Variants in UXS1 observed in about 807,000 individuals in gnomAD.
UXS1 encodes the protein UDP-glucuronic acid decarboxylase 1.
UXS1 carries 33 observed loss-of-function variants against 62.6 expected under a neutral mutation model. The ratio of observed to expected loss-of-function variants is 0.53; its 90% CI spans 0.40 to 0.70. UXS1 has a LOEUF of 0.70. UXS1 is among the 30% of genes least tolerant of loss of function. UXS1 has a pLI of 0.00. For missense variants in UXS1, 434 were observed against 556.3 expected (o/e 0.78, Z 2.21); for synonymous variants, 213 against 206.8 (o/e 1.03, Z -0.26).
intron 1 of UXS1, among the ~76,000 whole-genome samples, chr2:106,179,118 C>T (rs1684084502): frequency 6.6e-6 from 1 of 152,144 alleles, no homozygotes; most frequent in Non-Finnish European, 1.5e-5. Flanking sequence ...CCCTCTGTGG[C>T]TCCATCATGC....
intron 8 of UXS1, among the ~76,000 whole-genome samples, chr2:106,125,170 T>G (rs1210079140): frequency 6.6e-6 from 1 of 152,140 alleles, no homozygotes; most frequent in African/African-American, 2.4e-5. Context: ...CCAGAACTCG[T>G]TATACAACAG....
At chr2:106,127,581 A>G (rs1450734910) in intron 7 of UXS1, among the ~76,000 whole-genome samples, 1 of 152,198 alleles carries the variant, frequency 6.6e-6, no homozygotes, top group African/African-American at 2.4e-5. Flanking sequence ...GGGGGTTACG[A>G]AAAACTTTCA....
intron 4 of UXS1, among the ~76,000 whole-genome samples, chr2:106,158,629 C>A (rs1682651627): frequency 6.6e-6 from 1 of 152,118 alleles, no homozygotes; most frequent in Non-Finnish European, 1.5e-5. Context: ...AAAACTGACC[C>A]CCCTCCTTGT....
intron 5 of UXS1, among the ~76,000 whole-genome samples, chr2:106,148,697 A>G (rs1477949256): frequency 6.6e-6 from 1 of 152,226 alleles, no homozygotes; most frequent in Non-Finnish European, 1.5e-5. Context: ...TTTTTATCCT[A>G]ATCAATGTTA....
At chr2:106,144,238 C>T (rs533595034) in intron 6 of UXS1, among the ~76,000 whole-genome samples, 3 of 152,272 alleles carry the variant, frequency 2.0e-5, no homozygotes, top group Non-Finnish European at 4.4e-5. Flanking sequence ...AGCTTCACTC[C>T]AAAATGAATC....
At chr2:106,193,827 G>A (rs1177838209) in intron 1 of UXS1, among the ~76,000 whole-genome samples, 1 of 151,924 alleles carries the variant, frequency 6.6e-6, no homozygotes, top group South Asian at 2.1e-4. Flanking sequence ...CCGGCTCCCA[G>A]CGCGACATGG....
chr2:106,124,302 C>T (rs929165528), intron 8 of UXS1, among the ~76,000 whole-genome samples: 11 of 152,204 alleles, frequency 7.2e-5, no homozygotes, highest in African/African-American at 1.9e-4. Context: ...AGGCTGGGTA[C>T]GCCCATCTGT....
chr2:106,145,424 A>T, intron 5 of UXS1, 54 bp from the exon 6 acceptor site: 1 of 1,539,218 alleles, frequency 6.5e-7, no homozygotes, highest in East Asian at 2.3e-5. Flanking sequence ...ATGAGAACAC[A>T]GTGAGGACCA....
chr2:106,104,867 G>A (rs1253826781), intron 10 of UXS1, 30 bp from the exon 11 acceptor site: 1 of 1,613,856 alleles, frequency 6.2e-7, no homozygotes, highest in African/African-American at 1.3e-5. Flanking sequence ...TAGGCCTCCT[G>A]ATAAAACCAC....
Position 106,194,199 on chromosome 2 carries a change from G to C in UXS1, c.43C>G (p.Arg15Gly). 2 of 1,476,808 alleles carry C rather than the reference G, an allele frequency of 1.4e-6. No homozygotes were observed. The highest frequency in any genetic ancestry group is 9.0e-7 in the Non-Finnish European group (1 of 1,111,872). The allele number at this position is 1,476,808 out of a possible 1,614,324, so 91.5% of individuals were successfully genotyped here. Residue 15 changes from arginine (R) to glycine (G), a missense_variant, in exon 1 of 15, where the codon CGC becomes GGC. Transcript: ENST00000283148. Reference sequence around the variant, plus strand: ...CCCAGCAGCAGCTTCATCCTCCTGCGGTTGACGGCAGACACGAGGCGCAGC... The same window carrying C: ...CCCAGCAGCAGCTTCATCCTCCTGCCGTTGACGGCAGACACGAGGCGCAGC... ...ALLRLVSAVNRRRMKLLLGIA... is the reference protein window; with the variant it reads ...ALLRLVSAVNGRRMKLLLGIA...
intron 14 of UXS1, among the ~76,000 whole-genome samples, chr2:106,096,236 ATG>A (rs1232837039): frequency 2.6e-5 from 4 of 151,956 alleles, no homozygotes; most frequent in Non-Finnish European, 5.9e-5. Context: ...GTATGTGTGA[ATG>A]TGAGTGTGGA....
chr2:106,102,298 TAA>T (rs895414551), intron 11 of UXS1: 3 of 152,266 alleles, frequency 2.0e-5, no homozygotes, highest in African/African-American at 7.2e-5. Context: ...TGCAGGTTTA[TAA>T]AAAGACATTA....
intron 4 of UXS1, among the ~76,000 whole-genome samples, chr2:106,159,586 T>G (rs1457974206): frequency 6.6e-6 from 1 of 152,224 alleles, no homozygotes; most frequent in African/African-American, 2.4e-5. Flanking sequence ...ATATTCATTT[T>G]AAAAGTTATT....
intron 1 of UXS1, among the ~76,000 whole-genome samples, chr2:106,176,411 C>T (rs1236221772): frequency 1.3e-5 from 2 of 152,158 alleles, no homozygotes; most frequent in African/African-American, 4.8e-5. Context: ...CTTAAGCTGA[C>T]CAGAAGGTTC....
chr2:106,137,756 T>C (rs933112069), intron 6 of UXS1, among the ~76,000 whole-genome samples: 1 of 151,916 alleles, frequency 6.6e-6, no homozygotes, highest in Non-Finnish European at 1.5e-5. Flanking sequence ...GATGGCACCA[T>C]TGCACCGCAG....
chr2:106,095,717 CA>C (rs975940818), intron 14 of UXS1, among the ~76,000 whole-genome samples: 1 of 152,104 alleles, frequency 6.6e-6, no homozygotes. Flanking sequence ...TGAGGGTGGG[CA>C]AAGAGGGAAC....
chr2:106,108,673 G>A (rs560365737), intron 10 of UXS1, among the ~76,000 whole-genome samples: 1 of 152,296 alleles, frequency 6.6e-6, no homozygotes, highest in East Asian at 1.9e-4. Context: ...GGAACGAAGG[G>A]CTGTGTGCAG....
At chr2:106,108,032 C>G (rs1241539217) in intron 10 of UXS1, among the ~76,000 whole-genome samples, 1 of 152,232 alleles carries the variant, frequency 6.6e-6, no homozygotes, top group Admixed American at 6.5e-5. Context: ...CTTGCTGACA[C>G]AGTCCTGAAA....
chr2:106,105,118 G>A (rs1411808631), intron 10 of UXS1, among the ~76,000 whole-genome samples: 2 of 152,158 alleles, frequency 1.3e-5, no homozygotes, highest in African/African-American at 2.4e-5. Context: ...GGAGTCTTAC[G>A]ATGTGTCAGG....
Sources: allele counts gnomAD v4.1 joint callset (sites outside exome capture counted in the v4.1 genomes callset), GRCh38; gene constraint gnomAD v4.1.1; transcripts MANE v1.5; gene names NCBI Gene and HGNC (gene_info 2026-07-23, HGNC 2026-07-21).